The following MYOF variants were observed in gnomAD, a reference collection of about 807,000 sequenced individuals.
The protein encoded by MYOF is fer-1-like 3, myoferlin.
MYOF carries 244 observed loss-of-function variants against 284.2 expected under a neutral mutation model. The observed-to-expected ratio is 0.86, with a 90% CI of 0.77 to 0.95. MYOF has a LOEUF of 0.95. Among genes scored for constraint, MYOF ranks in the 40% least tolerant of loss-of-function variants. The pLI is 0.00. For missense variants in MYOF, 2,496 were observed against 2,560.6 expected, an observed-to-expected ratio of 0.97 and a Z score of 0.54; for synonymous variants, 904 against 919.7, an observed-to-expected ratio of 0.98 and a Z score of 0.31.
chr10:93,434,782 G>A (rs1262416495), intron 3 of MYOF, among the ~76,000 whole-genome samples: 1 of 152,270 alleles, frequency 6.6e-6, no homozygotes, highest in East Asian at 1.9e-4. Context: ...TTTTAGATCA[G>A]TATGTTTTTT....
chr10:93,472,986 T>C (rs1262493086), intron 1 of MYOF, among the ~76,000 whole-genome samples: 1 of 152,138 alleles, frequency 6.6e-6, no homozygotes, highest in Non-Finnish European at 1.5e-5. Flanking sequence ...CCCAACAACC[T>C]CCCTGTGAGG....
chr10:93,332,572 G>A (rs1019195812), intron 43 of MYOF, among the ~76,000 whole-genome samples: 4 of 150,796 alleles, frequency 2.7e-5, no homozygotes, highest in African/African-American at 7.3e-5. Context: ...TCAGCCTGTC[G>A]CGGTGGCTCA....
intron 1 of MYOF, among the ~76,000 whole-genome samples, chr10:93,459,554 T>C (rs1448386351): frequency 6.6e-6 from 1 of 152,220 alleles, no homozygotes; most frequent in East Asian, 1.9e-4. Flanking sequence ...TACATCCCTC[T>C]GGCTCCAAAA....
Position 93,372,841 on chromosome 10 carries a change from A to G in MYOF, c.2457+89T>C, listed in dbSNP as rs565119410. On this transcript the variant is annotated intron_variant, in intron 24 of 53. Coordinates refer to ENST00000359263, the MANE Select transcript of MYOF (RefSeq NM_013451.4). ...TGATCCCAATCACCCTTACCATTCA[A>G]TGATTTGCAAATGATATAAAGCAGA... 39 of 1,465,360 alleles carry G rather than the reference A, an allele frequency of 2.7e-5. No individual in the cohort carries two copies. The South Asian group carries it at 4.1e-4, about 15-fold the overall frequency. The allele number at this position is 1,465,360 out of a possible 1,614,324, so 90.8% of individuals were successfully genotyped here. A position where few individuals can be genotyped will look rare whatever the true frequency, so the allele number is the denominator to read the frequency against.
chr10:93,452,307 G>T (rs190852507), intron 2 of MYOF, among the ~76,000 whole-genome samples, 166 bp from the exon 3 acceptor site: 4 of 152,182 alleles, frequency 2.6e-5, no homozygotes, highest in Non-Finnish European at 5.9e-5. Context: ...AGGCAGCTGA[G>T]GGGGCAGGAA....
intron 40 of MYOF, 99 bp from the exon 41 acceptor site, chr10:93,336,145 G>T: frequency 7.3e-7 from 1 of 1,366,572 alleles, no homozygotes; most frequent in Non-Finnish European, 9.9e-7. Context: ...GGTTGTGGAT[G>T]GGGCGACCGG....
intron 4 of MYOF, 120 bp downstream of exon 4, chr10:93,431,288 C>G: frequency 1.4e-6 from 1 of 727,780 alleles, no homozygotes. Flanking sequence ...AAGTGCTGGC[C>G]TCCCAAAGTG....
chr10:93,412,694 T>G (rs1174232208), intron 5 of MYOF, among the ~76,000 whole-genome samples: 1 of 152,134 alleles, frequency 6.6e-6, no homozygotes, highest in Non-Finnish European at 1.5e-5. Flanking sequence ...CCCCATGCCT[T>G]ACAGAACTCA....
chr10:93,402,585 ATAATT>A (rs902143931), intron 10 of MYOF, among the ~76,000 whole-genome samples: 7 of 149,726 alleles, frequency 4.7e-5, no homozygotes, highest in African/African-American at 2.5e-5. Flanking sequence ...AACGAGTTTT[ATAATT>A]TAATTTTGAT....
intron 32 of MYOF, among the ~76,000 whole-genome samples, chr10:93,352,217 A>C (rs1468479221): frequency 6.6e-6 from 1 of 152,226 alleles, no homozygotes; most frequent in East Asian, 1.9e-4. Context: ...TGAGGGAAAA[A>C]ATAATCTTCC....
At chr10:93,392,994 A>G (rs1327621301) in intron 16 of MYOF, 39 bp from the exon 17 acceptor site, 1 of 1,541,548 alleles carries the variant, frequency 6.5e-7, no homozygotes, top group Non-Finnish European at 9.0e-7. Context: ...CAAGAAGAAC[A>G]CGGGCATTAT....
intron 53 of MYOF, among the ~76,000 whole-genome samples, chr10:93,308,196 T>C (rs553586288): frequency 1.1e-4 from 16 of 150,800 alleles, no homozygotes; most frequent in Non-Finnish European, 1.9e-4. Flanking sequence ...TGAGCCAAGA[T>C]TGCGCCACTG....
In MYOF at chr10:93,431,388, A is replaced by G. The variant is rs755634026; in HGVS notation, c.345+20T>C. 2.7e-5 allele frequency: 44 copies of G among 1,605,078 alleles called. No individual in the cohort carries two copies. The highest frequency in any genetic ancestry group is 1.7e-4 in the Middle Eastern group (1 of 6,048). On this transcript the variant is annotated intron_variant, in intron 4 of 53. Transcript: ENST00000359263. The stretch of plus-strand genomic sequence containing the variant: ...AATCATCTCACTTCAAAGCCATTCA[A>G]TAAGAGAGAAAACACTCACCCCAGT...
intron 3 of MYOF, among the ~76,000 whole-genome samples, chr10:93,449,623 G>C (rs2056534372): frequency 6.6e-6 from 1 of 152,150 alleles, no homozygotes; most frequent in South Asian, 2.1e-4. Flanking sequence ...CAGTGCAAGA[G>C]AGTGGGACCA....
At chr10:93,309,828 T>C (rs931288138) in intron 53 of MYOF, among the ~76,000 whole-genome samples, 192 bp downstream of exon 53, 11 of 152,326 alleles carry the variant, frequency 7.2e-5, no homozygotes, top group African/African-American at 2.6e-4. Flanking sequence ...CTGCCCGTAA[T>C]TTGTGAAACC....
chr10:93,473,564 G>A lies in MYOF; in HGVS notation c.88+8543C>T, dbSNP rs549882121. Among the ~76,000 whole-genome samples the A allele has an allele frequency of 1.1e-4, 16 of 152,328 alleles. 1 individual carries two copies. The highest frequency in any genetic ancestry group is 1.0e-3 in the Admixed American group (16 of 15,300). On this transcript the variant is annotated intron_variant, in intron 1 of 53. Coordinates refer to ENST00000359263, the MANE Select transcript of MYOF (RefSeq NM_013451.4). ...GAAAAGTAATGGCTGCCATGTGCAG[G>A]GAGAAGCAGAGGCAGGAGGCTGCAC...
At chr10:93,481,884 T>C (rs1031495192) in intron 1 of MYOF, among the ~76,000 whole-genome samples, 12 of 152,130 alleles carry the variant, frequency 7.9e-5, no homozygotes, top group African/African-American at 2.9e-4. Flanking sequence ...GAAATCACAC[T>C]CTTAGAGCTA....
intron 20 of MYOF, among the ~76,000 whole-genome samples, chr10:93,380,208 T>G (rs1054237727): frequency 2.0e-5 from 3 of 152,182 alleles, no homozygotes; most frequent in Non-Finnish European, 4.4e-5. Context: ...CCTAGTAAAC[T>G]GAGCACAGCA....
chr10:93,347,851 G>T (rs941127894), intron 36 of MYOF, 69 bp from the exon 37 acceptor site: 13 of 1,477,832 alleles, frequency 8.8e-6, no homozygotes, highest in Admixed American at 1.8e-5. Context: ...AAATTCCCCA[G>T]ATGGACCAGT....
Sources: allele counts gnomAD v4.1 joint callset (sites outside exome capture counted in the v4.1 genomes callset), GRCh38; gene constraint gnomAD v4.1.1; transcripts MANE v1.5; gene names NCBI Gene and HGNC (gene_info 2026-07-23, HGNC 2026-07-21).